The following RBFOX1 variants were observed in gnomAD, a reference collection of about 807,000 sequenced individuals.
RBFOX1 encodes the protein RNA binding fox-1 homolog 1, also known as RNA binding protein fox-1 homolog 1.
RBFOX1 carries 8 observed loss-of-function variants against 57.7 expected under a neutral mutation model. The ratio of observed to expected loss-of-function variants is 0.14; its 90% CI spans 0.08 to 0.25. The LOEUF (loss-of-function observed/expected upper bound fraction) is 0.25. RBFOX1 is among the 10% of genes least tolerant of loss of function. The probability of loss-of-function intolerance (pLI) is 1.00; values close to 1 mark genes in which losing one functional copy is unlikely to be tolerated. For missense variants in RBFOX1, 611 were observed against 548.5 expected (o/e 1.11, Z -1.14); for synonymous variants, 326 against 222.4 (o/e 1.47, Z -4.15).
intron 3 of RBFOX1, among the ~76,000 whole-genome samples, chr16:5,757,320 C>T (rs974628578): frequency 4.6e-5 from 7 of 151,266 alleles, no homozygotes; most frequent in East Asian, 1.9e-4. Flanking sequence ...CAACGCTTGC[C>T]TCCTGGGTTC....
chr16:7,616,200 A>C (rs997175607), intron 10 of RBFOX1, among the ~76,000 whole-genome samples: 4 of 152,254 alleles, frequency 2.6e-5, no homozygotes, highest in African/African-American at 9.6e-5. Flanking sequence ...ATTATAACAA[A>C]AGGATACAGA....
At chr16:6,342,947 T>G (rs551782056) in intron 2 of RBFOX1, among the ~76,000 whole-genome samples, 1 of 152,282 alleles carries the variant, frequency 6.6e-6, no homozygotes, top group African/African-American at 2.4e-5. Flanking sequence ...TCCAAACTTC[T>G]GTCGCTTTAT....
chr16:6,171,205 T>C (rs1341801259), intron 1 of RBFOX1, among the ~76,000 whole-genome samples: 1 of 152,226 alleles, frequency 6.6e-6, no homozygotes, highest in East Asian at 1.9e-4. Context: ...TATGCAGGTA[T>C]AACAGGTAAA....
At chr16:6,388,015 T>C (rs2092393271) in intron 2 of RBFOX1, among the ~76,000 whole-genome samples, 1 of 141,828 alleles carries the variant, frequency 7.1e-6, no homozygotes, top group Non-Finnish European at 1.5e-5. Context: ...AGAGTCTTGC[T>C]TTTGGCCAGG....
At chr16:7,244,130 C>G (rs1208880142) in intron 4 of RBFOX1, among the ~76,000 whole-genome samples, 1 of 150,838 alleles carries the variant, frequency 6.6e-6, no homozygotes, top group Non-Finnish European at 1.5e-5. Flanking sequence ...TCTTAAACAG[C>G]AGTATTGTCA....
intron 4 of RBFOX1, among the ~76,000 whole-genome samples, chr16:7,420,912 C>T (rs57811098): frequency 3.5e-5 from 5 of 141,064 alleles, no homozygotes; most frequent in African/African-American, 2.7e-5. Flanking sequence ...CATATATATA[C>T]ATATATATAT....
At chr16:7,607,226 C>T in intron 9 of RBFOX1, 59 bp from the exon 10 acceptor site, 2 of 1,445,868 alleles carry the variant, frequency 1.4e-6, no homozygotes, top group Non-Finnish European at 1.9e-6. Flanking sequence ...GATTCATTTG[C>T]AATTATATAA....
At chr16:5,241,691 A>G (rs2062171457) in intron 1 of RBFOX1, among the ~76,000 whole-genome samples, 1 of 152,224 alleles carries the variant, frequency 6.6e-6, no homozygotes, top group Non-Finnish European at 1.5e-5. Context: ...TCGTCCATAG[A>G]AGCACTTAGC....
chr16:6,519,643 G>C (rs559418286), intron 2 of RBFOX1, among the ~76,000 whole-genome samples: 1 of 152,300 alleles, frequency 6.6e-6, no homozygotes, highest in African/African-American at 2.4e-5. Context: ...GGAGGTTGCA[G>C]TGAGCTGAGA....
At chr16:6,043,287 A>G (rs560807121) in intron 1 of RBFOX1, among the ~76,000 whole-genome samples, 1 of 152,262 alleles carries the variant, frequency 6.6e-6, no homozygotes, top group Non-Finnish European at 1.5e-5. Context: ...TCTCCCACCG[A>G]ATCTGTGCTA....
At chr16:6,934,236 C>T (rs2077013309) in intron 3 of RBFOX1, among the ~76,000 whole-genome samples, 1 of 152,304 alleles carries the variant, frequency 6.6e-6, no homozygotes, top group East Asian at 1.9e-4. Context: ...AGAGCGGTAA[C>T]TTGAGTCACT....
At chr16:7,551,133 C>A (rs1027754182) in intron 5 of RBFOX1, among the ~76,000 whole-genome samples, 28 of 150,712 alleles carry the variant, frequency 1.9e-4, no homozygotes, top group Admixed American at 6.0e-4. Flanking sequence ...TACAGGACTT[C>A]TGCTTTCGCC....
intron 3 of RBFOX1, among the ~76,000 whole-genome samples, chr16:6,802,674 CAATT>C (rs1421225628): frequency 6.6e-6 from 1 of 152,132 alleles, no homozygotes; most frequent in Non-Finnish European, 1.5e-5. Flanking sequence ...GACTCCGTCT[CAATT>C]AAAAACAAAA....
At chr16:6,060,124 T>TTTTTG (rs1567355554) in intron 1 of RBFOX1, among the ~76,000 whole-genome samples, 5 of 8,788 alleles carry the variant, frequency 5.7e-4, no homozygotes, top group Non-Finnish European at 5.8e-4. Context: ...GGATTAGGGT[T>TTTTTG]TTTTTTTTTT....
intron 1 of RBFOX1, among the ~76,000 whole-genome samples, chr16:6,201,072 C>G (rs545230734): frequency 1.3e-5 from 2 of 151,746 alleles, no homozygotes; most frequent in Non-Finnish European, 2.9e-5. Context: ...CTTTCTGTGT[C>G]TGGCTTATTT....
At chr16:5,631,784 G>T (rs371939251) in intron 3 of RBFOX1, among the ~76,000 whole-genome samples, 1 of 152,094 alleles carries the variant, frequency 6.6e-6, no homozygotes, top group Non-Finnish European at 1.5e-5. Flanking sequence ...TCCAGAGTCT[G>T]GTGAAAGGAA....
At chr16:6,899,084 G>T (rs563802951) in intron 3 of RBFOX1, among the ~76,000 whole-genome samples, 1,719 of 108,060 alleles carry the variant, frequency 0.016, 14 homozygotes, top group South Asian at 0.032. Context: ...ACATGTACAC[G>T]TGTATAATGT....
intron 4 of RBFOX1, among the ~76,000 whole-genome samples, chr16:7,251,043 T>G (rs1296761522): frequency 2.0e-5 from 3 of 152,184 alleles, no homozygotes; most frequent in African/African-American, 7.2e-5. Context: ...CTTCCAGTGA[T>G]TTTCAAGAAC....
intron 1 of RBFOX1, among the ~76,000 whole-genome samples, chr16:6,079,813 G>A (rs2095972336): frequency 6.6e-6 from 1 of 152,114 alleles, no homozygotes. Flanking sequence ...TCCAGCCTGG[G>A]CAACAAAGCA....
Sources: allele counts gnomAD v4.1 joint callset (sites outside exome capture counted in the v4.1 genomes callset), GRCh38; gene constraint gnomAD v4.1.1; transcripts MANE v1.5; gene names NCBI Gene and HGNC (gene_info 2026-07-23, HGNC 2026-07-21).